Variants in ERCC1 observed in about 807,000 individuals in gnomAD.
ERCC1 encodes the protein ERCC excision repair 1, endonuclease non-catalytic subunit.
A neutral mutation model predicts 37.6 loss-of-function variants in ERCC1; 36 were observed. The observed-to-expected ratio is 0.96, with a 90% confidence interval of 0.73 to 1.26. ERCC1 has a LOEUF of 1.26. Among genes scored for constraint, ERCC1 ranks in the 50% most tolerant of loss-of-function variants. The probability of loss-of-function intolerance (pLI) is 0.00; values close to 1 mark genes in which losing one functional copy is unlikely to be tolerated. For missense variants in ERCC1, 349 were observed against 376.5 expected (o/e 0.93, Z 0.60); for synonymous variants, 156 against 162.1 (o/e 0.96, Z 0.28).
At chr19:45,415,005 T>C in intron 6 of ERCC1, 45 bp from the exon 7 acceptor site, 3 of 1,448,808 alleles carry the variant, frequency 2.1e-6, no homozygotes, top group African/African-American at 1.4e-5. Flanking sequence ...AGGTATCAGA[T>C]TATAGATTTG....
intron 1 of ERCC1, among the ~76,000 whole-genome samples, chr19:45,448,293 C>T (rs1967009457): frequency 6.6e-6 from 1 of 152,142 alleles, no homozygotes; most frequent in African/African-American, 2.4e-5. Flanking sequence ...TCTGATTTTA[C>T]AGACAGAGAA....
chr19:45,423,474 A>T (rs1219772038), intron 1 of ERCC1, 93 bp from the exon 2 acceptor site: 1 of 1,518,788 alleles, frequency 6.6e-7, no homozygotes, highest in South Asian at 1.2e-5. Flanking sequence ...TCCCCCACAA[A>T]ACTCCGAGAG....
At chr19:45,423,586 A>T in intron 1 of ERCC1, 195 bp downstream of exon 1, 1 of 1,410,354 alleles carries the variant, frequency 7.1e-7, no homozygotes, top group Non-Finnish European at 9.2e-7. Context: ...CAGGTCCACA[A>T]GTCCCATCGC....
intron 7 of ERCC1, chr19:45,414,636 G>A (rs1047139872): frequency 1.4e-5 from 7 of 517,856 alleles, no homozygotes; most frequent in African/African-American, 1.2e-4. Flanking sequence ...GAGAAGTCTG[G>A]GCTTTCTCTC....
At chr19:45,415,131 C>A (rs1323894888) in intron 6 of ERCC1, among the ~76,000 whole-genome samples, 171 bp from the exon 7 acceptor site, 1 of 150,502 alleles carries the variant, frequency 6.6e-6, no homozygotes, top group Admixed American at 6.6e-5. Context: ...GTCAGGAGTT[C>A]GAGACCAGCC....
Position 45,408,864 on chromosome 19 carries a change from T to A in ERCC1, c.*811A>T. The A allele has an allele frequency of 6.2e-7, 1 of 1,614,022 alleles. No homozygotes were observed. The highest frequency in any genetic ancestry group is 1.1e-5 in the South Asian group (1 of 91,074). ...AAGAGGCAAAAGGGGACGGAAGGGA[T>A]GGAGCCAGAGGAGGGGGTGACAGTT... On this transcript the variant is annotated 3_prime_UTR_variant, in exon 10 of 10. Transcript: ENST00000300853.
chr19:45,443,793 C>A (rs1975183728), intron 1 of ERCC1, among the ~76,000 whole-genome samples: 1 of 151,928 alleles, frequency 6.6e-6, no homozygotes. Flanking sequence ...GGTTTAGCCT[C>A]CTTCTCCCTG....
chr19:45,437,193 G>A (rs1247559811), intron 1 of ERCC1, among the ~76,000 whole-genome samples: 1 of 152,126 alleles, frequency 6.6e-6, no homozygotes, highest in Admixed American at 6.6e-5. Flanking sequence ...AGGTTGCAGT[G>A]AGCCTTGATC....
upstream of ERCC1, among the ~76,000 whole-genome samples, chr19:45,424,917 T>C (rs1406876081): frequency 7.3e-6 from 1 of 136,378 alleles, no homozygotes; most frequent in Non-Finnish European, 1.5e-5. Flanking sequence ...TAAATTCTTT[T>C]TTTTCTTTTT....
intron 1 of ERCC1, among the ~76,000 whole-genome samples, chr19:45,437,642 T>C (rs1220475662): frequency 1.3e-5 from 2 of 152,160 alleles, no homozygotes. Context: ...TTATATGGAA[T>C]CTTAAAAAGT....
At chr19:45,441,021 G>A (rs1173926825) in intron 1 of ERCC1, among the ~76,000 whole-genome samples, 7 of 152,160 alleles carry the variant, frequency 4.6e-5, no homozygotes, top group Admixed American at 3.9e-4. Flanking sequence ...GAAATGACAG[G>A]CATGAGCTAC....
chr19:45,433,701 AAAAG>A (rs925844989), intron 1 of ERCC1, among the ~76,000 whole-genome samples: 7 of 151,846 alleles, frequency 4.6e-5, no homozygotes, highest in African/African-American at 1.5e-4. Flanking sequence ...AAAAAAAAAA[AAAAG>A]AATCAATGAA....
At chr19:45,438,889 AC>A (rs1975048428) in intron 1 of ERCC1, among the ~76,000 whole-genome samples, 1 of 151,466 alleles carries the variant, frequency 6.6e-6, no homozygotes, top group Non-Finnish European at 1.5e-5. Context: ...GATCCGCCCC[AC>A]TCGGCCTCCC....
intron 9 of ERCC1, among the ~76,000 whole-genome samples, chr19:45,412,569 G>A (rs1973807578): frequency 6.6e-6 from 1 of 151,978 alleles, no homozygotes; most frequent in Non-Finnish European, 1.5e-5. Context: ...CAAATATTTT[G>A]CCCACTTTTT....
chr19:45,411,992 G>GTGCCC (rs1266271200), intron 9 of ERCC1, among the ~76,000 whole-genome samples: 2 of 151,662 alleles, frequency 1.3e-5, no homozygotes, highest in Admixed American at 6.6e-5. Flanking sequence ...GAGTAGCTGG[G>GTGCCC]ACTACAGGTG....
At chr19:45,451,058 G>T (rs553421916) in intron 1 of ERCC1, among the ~76,000 whole-genome samples, 1 of 152,138 alleles carries the variant, frequency 6.6e-6, no homozygotes, top group African/African-American at 2.4e-5. Flanking sequence ...GCCCGGGGCG[G>T]GGGGTGGAGG....
intron 2 of ERCC1, among the ~76,000 whole-genome samples, 191 bp downstream of exon 2, chr19:45,423,079 C>T (rs961081394): frequency 6.6e-6 from 1 of 152,134 alleles, no homozygotes; most frequent in African/African-American, 2.4e-5. Flanking sequence ...CTGCCTTAGC[C>T]CTCTCTTAGA....
chr19:45,421,418 G>A, intron 2 of ERCC1, 25 bp from the exon 3 acceptor site: 1 of 1,567,492 alleles, frequency 6.4e-7, no homozygotes, highest in Non-Finnish European at 8.7e-7. Flanking sequence ...GGAGTTTGCA[G>A]GGGACTGGTT....
intron 6 of ERCC1, among the ~76,000 whole-genome samples, chr19:45,415,640 A>AAG (rs1159472407): frequency 1.3e-4 from 20 of 150,584 alleles, no homozygotes; most frequent in African/African-American, 4.9e-4. Context: ...CGTCTCAAAA[A>AAG]AAAAAAAAAA....
Sources: allele counts gnomAD v4.1 joint callset (sites outside exome capture counted in the v4.1 genomes callset), GRCh38; gene constraint gnomAD v4.1.1; transcripts MANE v1.5; gene names NCBI Gene and HGNC (gene_info 2026-07-23, HGNC 2026-07-21).